CBARP: variants seen among roughly 807,000 people sequenced by gnomAD.
CBARP encodes voltage-dependent calcium channel beta subunit-associated regulatory protein.
Under a neutral mutation model 36.3 loss-of-function variants are expected in CBARP, and 24 were observed. The observed-to-expected ratio is 0.66, with a 90% CI of 0.48 to 0.93. CBARP has a LOEUF of 0.93. Among genes scored for constraint, CBARP ranks in the 40% least tolerant of loss-of-function variants. The probability of loss-of-function intolerance (pLI) is 0.00; values close to 1 mark genes in which losing one functional copy is unlikely to be tolerated. For missense variants in CBARP, 1,146 were observed against 980.4 expected, an observed-to-expected ratio of 1.17 and a Z score of -2.26; for synonymous variants, 586 against 453.2, an observed-to-expected ratio of 1.29 and a Z score of -3.72.
At chr19:1,233,071 A>G (rs1298033381) in intron 8 of CBARP, among the ~76,000 whole-genome samples, 1 of 152,204 alleles carries the variant, frequency 6.6e-6, no homozygotes, top group African/African-American at 2.4e-5. Flanking sequence ...GAGGGGATGC[A>G]GGCCACAGGC....
chr19:1,230,234 CG>C (rs2080872112), intron 9 of CBARP, 92 bp from the exon 10 acceptor site: 1 of 993,642 alleles, frequency 1.0e-6, no homozygotes, highest in African/African-American at 1.7e-5. Context: ...AGGGTGGACG[CG>C]GGTGGGACTT....
rs1431578925 is a variant in CBARP at position 1,235,810 on chromosome 19, G to T, written c.214C>A (p.Arg72Ser). The part of the protein sequence containing the change: ...VLSGVLLLCK[R>S]CWDVHQRLNR... ...AGGCGCTGGTGGACGTCCCAGCAGC[G>T]CTTGCAGAGGAGCAGGACGCCAGAC... The change falls in exon 3 of 10, where the codon CGC (arginine) becomes AGC (serine). Residue 72 changes from arginine (R) to serine (S), a missense_variant. By Grantham distance (110) the Arg-to-Ser change is moderately radical. Coordinates refer to ENST00000650044, the MANE Select transcript of CBARP (RefSeq NM_001393918.1). 4 of 1,609,482 alleles carry T rather than the reference G, an allele frequency of 2.5e-6. No homozygotes were observed. The highest frequency in any genetic ancestry group is 1.3e-5 in the African/African-American group (1 of 74,920).
chr19:1,234,871 C>T (rs1300730544), intron 5 of CBARP, 129 bp from the exon 6 acceptor site: 1 of 1,499,370 alleles, frequency 6.7e-7, no homozygotes, highest in African/African-American at 1.4e-5. Flanking sequence ...CCAAGGCCGC[C>T]CCACCCCACG....
At position 1,234,174 on chromosome 19, in the gene CBARP, C is replaced by G; in HGVS notation, c.768+17G>C. ...CCCCGGCTGTGGACACCATGGGGGA[C>G]ACGCAGGGGCCCTCACCGAGGTGCC... On this transcript the variant is annotated intron_variant, in intron 7 of 9. Coordinates refer to ENST00000650044, the MANE Select transcript of CBARP (RefSeq NM_001393918.1). 6.7e-7 allele frequency: 1 copy of G among 1,500,040 alleles called. No individual in the cohort carries two copies. Among genetic ancestry groups the G allele is most frequent in the Non-Finnish European group, 8.9e-7 (1 of 1,129,018 alleles). The allele number at this position is 1,500,040 out of a possible 1,614,324, so 92.9% of individuals were successfully genotyped here.
At position 1,231,169 on chromosome 19, in the gene CBARP, C is replaced by A. The variant is rs754032618; in HGVS notation, c.1086G>T (p.Arg362=). 2.5e-6 allele frequency: 4 copies of A among 1,600,704 alleles called. No individual in the cohort carries two copies. The African/African-American group carries it at 5.3e-5, about 21-fold the overall frequency. The stretch of plus-strand genomic sequence containing the variant: ...GCGGGAAGGCCACGGCGTCGCCCGC[C>A]CGGGCAATGTACTGGATGAAGTCCT... ...PQEDFIQYIA[R]AGDAVAFPHP... Residue 362 remains arginine (R), a synonymous_variant, in exon 9 of 10, where the codon CGG becomes CGT. Coordinates refer to ENST00000650044, the MANE Select transcript of CBARP (RefSeq NM_001393918.1).
chr19:1,232,255 G>A (rs1172423828), intron 8 of CBARP, among the ~76,000 whole-genome samples: 1 of 152,144 alleles, frequency 6.6e-6, no homozygotes, highest in Non-Finnish European at 1.5e-5. Flanking sequence ...CTCTCAGCTG[G>A]AGCGGGGCAG....
intron 9 of CBARP, chr19:1,230,371 C>A: frequency 2.0e-6 from 2 of 986,950 alleles, no homozygotes; most frequent in Non-Finnish European, 2.4e-6. Context: ...CCATGCTGGA[C>A]TGCAGACGGC....
intron 9 of CBARP, chr19:1,230,540 C>T: frequency 9.5e-7 from 1 of 1,056,472 alleles, no homozygotes; most frequent in Non-Finnish European, 1.1e-6. Flanking sequence ...TCTCTGCCCA[C>T]CCATGCTGGA....
chr19:1,233,403 C>T (rs1298890367), intron 8 of CBARP, 23 bp downstream of exon 8: 1 of 1,555,980 alleles, frequency 6.4e-7, no homozygotes, highest in East Asian at 2.4e-5. Flanking sequence ...GGGGCCCACT[C>T]TCCACCAGGT....
At chr19:1,231,017 C>T (rs777411929) in intron 9 of CBARP, 84 bp downstream of exon 9, 13 of 1,548,424 alleles carry the variant, frequency 8.4e-6, no homozygotes, top group African/African-American at 2.7e-5. Context: ...GCCTGGAGAG[C>T]GCTCCCTGGG....
intron 9 of CBARP, 99 bp downstream of exon 9, chr19:1,230,995 CGTGTCCA>C: frequency 6.5e-7 from 1 of 1,547,754 alleles, no homozygotes; most frequent in Non-Finnish European, 8.7e-7. Context: ...CAGGCGAGCG[CGTGTCCA>C]CGGGGCCTGG....
chr19:1,234,688 G>T lies in CBARP; in HGVS notation c.510C>A (p.His170Gln), dbSNP rs201558558. 6 of 1,613,076 alleles carry T rather than the reference G, an allele frequency of 3.7e-6. No individual in the cohort carries two copies. Among genetic ancestry groups the T allele is most frequent in the African/African-American group, 2.7e-5 (2 of 75,034 alleles). ...FHHLKNARLT[H>Q]LHLPPLKIVT... The stretch of plus-strand genomic sequence containing the variant: ...CAATCTTGAGGGGCGGCAGGTGCAG[G>T]TGCGTGAGCCGGGCATTCTTCAGGT... The change falls in exon 6 of 10, where the codon CAC (histidine) becomes CAA (glutamine). Residue 170 changes from histidine to glutamine, a missense_variant. Transcript: ENST00000650044.
At position 1,229,703 on chromosome 19, in the gene CBARP, A is replaced by G. The variant is rs1416175745; in HGVS notation, c.1594T>C (p.Trp532Arg). The change falls in exon 10 of 10, where the codon TGG (tryptophan) becomes CGG (arginine). Residue 532 changes from tryptophan to arginine, a missense_variant. Transcript: ENST00000650044. This position sits in a 1 kb window ranked among gnomAD's most constrained non-coding sequence, Gnocchi z 5.1. ...TAGTCGCGGCGCGGGCGGCGGGGCC[A>G]GGCGCGCGGGCTGCGGGGCCGGGCG... The part of the protein sequence containing the change: ...APARPRSPRA[W>R]PRRPRRDYSI... The G allele has an allele frequency of 1.0e-5, 10 of 992,780 alleles. No individual in the cohort carries two copies. Among genetic ancestry groups the G allele is most frequent in the Non-Finnish European group, 9.6e-6 (8 of 835,486 alleles). The allele number at this position is 992,780 out of a possible 1,614,324, so 61.5% of individuals were successfully genotyped here.
Position 1,234,559 on chromosome 19 carries a change from C to T in CBARP, c.627+12G>A. On this transcript the variant is annotated intron_variant, in intron 6 of 9. Coordinates refer to ENST00000650044, the MANE Select transcript of CBARP (RefSeq NM_001393918.1). ...TCCCCCGAGGAACCGGGGCTGCTGCCCATAGGCTCACCTGGAAGATGGCCA... is the reference window on the plus strand; with the variant it reads ...TCCCCCGAGGAACCGGGGCTGCTGCTCATAGGCTCACCTGGAAGATGGCCA... 4 of 1,596,194 alleles carry T rather than the reference C, an allele frequency of 2.5e-6. No homozygotes were observed. Among genetic ancestry groups the T allele is most frequent in the Non-Finnish European group, 3.4e-6 (4 of 1,172,718 alleles).
At position 1,228,521 on chromosome 19, in the gene CBARP, G is replaced by A. The variant is rs1408766114; in HGVS notation, c.*658C>T. 2.2e-5 allele frequency: 4 copies of A among 185,480 alleles called. No homozygotes were observed. In the East Asian group the frequency reaches 2.6e-4, roughly 12 times the overall value. The allele number at this position is 185,480 out of a possible 1,614,324, so 11.5% of individuals were successfully genotyped here. On this transcript the variant is annotated 3_prime_UTR_variant, in exon 10 of 10. Coordinates refer to ENST00000650044, the MANE Select transcript of CBARP (RefSeq NM_001393918.1). ...GACATGCGGAGGGCAGTGGGGACTCGGGGCGCGGGAGGGCCGGGGCCGGCT... is the reference window on the plus strand; with the variant it reads ...GACATGCGGAGGGCAGTGGGGACTCAGGGCGCGGGAGGGCCGGGGCCGGCT...
chr19:1,229,778 T>C lies in CBARP; in HGVS notation c.1519A>G (p.Ser507Gly). 1 of 1,014,978 alleles carries C rather than the reference T, an allele frequency of 9.9e-7. No individual in the cohort carries two copies. Among genetic ancestry groups the C allele is most frequent in the Non-Finnish European group, 1.2e-6 (1 of 842,860 alleles). 62.9% of individuals were successfully genotyped at this position (1,014,978 alleles called of 1,614,324 possible). A position where few individuals can be genotyped will look rare whatever the true frequency, so the allele number is the denominator to read the frequency against. ...TCGCCTGCGCCGCGGCCCTCGATGC[T>C]GGCGTAGCCACTGTCCATCTGCAGC... ...RLLQMDSGYA[S>G]IEGRGAGDDT... The change falls in exon 10 of 10, where the codon AGC becomes GGC. Residue 507 changes from serine to glycine, a missense_variant. Ser to Gly is a moderately conservative substitution (Grantham distance 56, BLOSUM62 0). Coordinates refer to ENST00000650044, the MANE Select transcript of CBARP (RefSeq NM_001393918.1). This position sits in a 1 kb window ranked among gnomAD's most constrained non-coding sequence, Gnocchi z 5.1.
chr19:1,228,631 G>A lies in CBARP; in HGVS notation c.*548C>T, dbSNP rs1438677621. 1.9e-5 allele frequency: 3 copies of A among 158,400 alleles called. No individual in the cohort carries two copies. Among genetic ancestry groups the A allele is most frequent in the East Asian group, 1.5e-4 (1 of 6,676 alleles). The allele number at this position is 158,400 out of a possible 1,614,324, so 9.8% of individuals were successfully genotyped here. A position where few individuals can be genotyped will look rare whatever the true frequency, so the allele number is the denominator to read the frequency against. Reference sequence around the variant, plus strand: ...CTGCCGCCAGCACACGCCGCAGTGAGGTAAACGGTCTCGGAGGTCGGCAGT... The same window carrying A: ...CTGCCGCCAGCACACGCCGCAGTGAAGTAAACGGTCTCGGAGGTCGGCAGT... On this transcript the variant is annotated 3_prime_UTR_variant, in exon 10 of 10. Transcript: ENST00000650044.
rs764157694 is a variant in CBARP at position 1,231,241 on chromosome 19, C to T, written c.1014G>A (p.Arg338=). ...SPKRHHFQRQ[R]AASESTEQEE... ...CCTGCTCCGTGCTCTCACTGGCTGC[C>T]CGCTGCCGCTGGAAGTGGTGCCGCT... is the stretch of plus-strand genomic sequence containing the variant. Residue 338 remains arginine, a synonymous_variant, in exon 9 of 10, where the codon CGG becomes CGA. Coordinates refer to ENST00000650044, the MANE Select transcript of CBARP (RefSeq NM_001393918.1). 28 of 1,601,890 alleles carry T rather than the reference C, an allele frequency of 1.7e-5. No individual in the cohort carries two copies. The highest frequency in any genetic ancestry group is 2.1e-5 in the Non-Finnish European group (25 of 1,179,572).
intron 7 of CBARP, 50 bp from the exon 8 acceptor site, chr19:1,233,686 G>T: frequency 6.5e-7 from 1 of 1,529,956 alleles, no homozygotes. Context: ...TCCTGGGCCC[G>T]TGTGCTGGCC....
Sources: allele counts gnomAD v4.1 joint callset (sites outside exome capture counted in the v4.1 genomes callset), GRCh38; gene constraint gnomAD v4.1.1; non-coding constraint Gnocchi (gnomAD v3.1); transcripts MANE v1.5; gene names NCBI Gene and HGNC (gene_info 2026-07-23, HGNC 2026-07-21).